The following ADCY5 variants were observed in gnomAD, a reference collection of about 807,000 sequenced individuals.
ADCY5 encodes adenylate cyclase 5.
Under a neutral mutation model 119.7 loss-of-function variants are expected in ADCY5, and 30 were observed. That is an observed-to-expected ratio of 0.25 (90% CI 0.19 to 0.34). The LOEUF (loss-of-function observed/expected upper bound fraction) is 0.34. Among genes scored for constraint, ADCY5 ranks in the 10% least tolerant of loss-of-function variants. The probability of loss-of-function intolerance (pLI) is 1.00; values close to 1 mark genes in which losing one functional copy is unlikely to be tolerated. For synonymous variants in ADCY5, 753 were observed against 762.2 expected (o/e 0.99, Z 0.20); for missense variants, 1,324 against 1,775.2 (o/e 0.75, Z 4.57).
chr3:123,302,212 C>T (rs1238003380), intron 14 of ADCY5, among the ~76,000 whole-genome samples: 1 of 152,212 alleles, frequency 6.6e-6, no homozygotes, highest in Non-Finnish European at 1.5e-5. Flanking sequence ...GAAGCTCAGC[C>T]CAGCTGCTGA....
chr3:123,348,985 C>T lies in ADCY5; in HGVS notation c.1285-1082G>A, dbSNP rs141711550. Among the ~76,000 whole-genome samples, 4 of 152,290 alleles carry T rather than the reference C, an allele frequency of 2.6e-5. No individual in the cohort carries two copies. The East Asian group carries it at 5.8e-4, about 22-fold the overall frequency. On this transcript the variant is annotated intron_variant, in intron 2 of 20. Transcript: ENST00000462833. The stretch of plus-strand genomic sequence containing the variant: ...CCTCCACCTGGCCCCAAACATGGCA[C>T]GTCCCACCTCTGTCCTCGCCCCATT...
At chr3:123,419,677 G>A (rs984110696) in intron 1 of ADCY5, among the ~76,000 whole-genome samples, 3 of 152,116 alleles carry the variant, frequency 2.0e-5, no homozygotes, top group Non-Finnish European at 4.4e-5. Context: ...CCGGACATAC[G>A]TGGCACATTC....
chr3:123,367,523 C>G (rs908541566), intron 1 of ADCY5, among the ~76,000 whole-genome samples: 2 of 152,202 alleles, frequency 1.3e-5, no homozygotes, highest in Admixed American at 6.5e-5. Flanking sequence ...TATCCCCACT[C>G]CCCCAAGCTC....
intron 12 of ADCY5, among the ~76,000 whole-genome samples, chr3:123,313,030 C>T (rs964158725): frequency 2.2e-5 from 3 of 139,504 alleles, no homozygotes; most frequent in African/African-American, 1.0e-4. Context: ...TAACGTTAAG[C>T]CCTACGATGC....
intron 6 of ADCY5, among the ~76,000 whole-genome samples, chr3:123,328,170 G>C (rs1457671635): frequency 1.3e-5 from 2 of 152,158 alleles, no homozygotes; most frequent in African/African-American, 4.8e-5. Flanking sequence ...TCCCTAAAAG[G>C]CCATCGGCTC....
chr3:123,290,575 C>T (rs1001173644), intron 18 of ADCY5, among the ~76,000 whole-genome samples: 3 of 152,254 alleles, frequency 2.0e-5, no homozygotes, highest in Non-Finnish European at 4.4e-5. Flanking sequence ...ACGCCAGGTG[C>T]TCAACCAGAG....
intron 1 of ADCY5, among the ~76,000 whole-genome samples, chr3:123,408,122 T>C (rs976916210): frequency 2.0e-5 from 3 of 152,156 alleles, no homozygotes; most frequent in Non-Finnish European, 2.9e-5. Context: ...GCCCTGGACC[T>C]ACGGTGAAAA....
In ADCY5 at chr3:123,448,407, CG is replaced by C; in HGVS notation, c.138del (p.Gly48AlafsTer14). 4 of 1,414,976 alleles carry C rather than the reference CG, an allele frequency of 2.8e-6. No homozygotes were observed. Among genetic ancestry groups the C allele is most frequent in the Non-Finnish European group, 2.8e-6 (3 of 1,088,566 alleles). The allele number at this position is 1,414,976 out of a possible 1,614,324, so 87.7% of individuals were successfully genotyped here. ...DSRANGYPHA[P>X]GGSARGSTKK... ...TTGGTGGAGCCGCGGGCAGAGCCCC[CG>C]GGGGCATGGGGGTAGCCATTCGCGC... is the stretch of plus-strand genomic sequence containing the variant. On this transcript the variant is annotated frameshift_variant, in exon 1 of 21. Transcript: ENST00000462833. LOFTEE classifies it high-confidence loss of function.
At chr3:123,380,007 C>T (rs1943975999) in intron 1 of ADCY5, among the ~76,000 whole-genome samples, 1 of 152,070 alleles carries the variant, frequency 6.6e-6, no homozygotes, top group Admixed American at 6.5e-5. Flanking sequence ...CCTCTAACTC[C>T]AAAGGACACA....
intron 1 of ADCY5, among the ~76,000 whole-genome samples, chr3:123,421,883 G>A (rs985387469): frequency 6.6e-6 from 1 of 152,170 alleles, no homozygotes; most frequent in African/African-American, 2.4e-5. Flanking sequence ...GTGTTCAAGC[G>A]CCACAGCCAT....
At chr3:123,326,552 C>T (rs1941494625) in intron 7 of ADCY5, among the ~76,000 whole-genome samples, 2 of 152,170 alleles carry the variant, frequency 1.3e-5, no homozygotes, top group African/African-American at 4.8e-5. Flanking sequence ...GGCCTTGTGA[C>T]CCAGGCACTG....
intron 9 of ADCY5, among the ~76,000 whole-genome samples, chr3:123,320,177 T>C (rs75849116): frequency 7.2e-5 from 11 of 152,386 alleles, no homozygotes; most frequent in African/African-American, 2.6e-4. Flanking sequence ...TCTAGCTCTA[T>C]CCTTCTGAAA....
chr3:123,327,414 A>G (rs964923391), intron 7 of ADCY5, among the ~76,000 whole-genome samples: 5 of 152,230 alleles, frequency 3.3e-5, no homozygotes, highest in African/African-American at 1.2e-4. Flanking sequence ...GCATTTTTGC[A>G]AAAGAAGCAC....
At chr3:123,393,274 G>A (rs1159791086) in intron 1 of ADCY5, among the ~76,000 whole-genome samples, 1 of 152,114 alleles carries the variant, frequency 6.6e-6, no homozygotes, top group Non-Finnish European at 1.5e-5. Flanking sequence ...GGTGTTGGCC[G>A]GGTGCAGTGG....
rs567262471 is a variant in ADCY5 at position 123,448,498 on chromosome 3, C to T, written c.48G>A (p.Lys16=). 31 of 1,272,550 alleles carry T rather than the reference C, an allele frequency of 2.4e-5. No individual in the cohort carries two copies. In the East Asian group the frequency reaches 9.1e-4, roughly 37 times the overall value. The allele number at this position is 1,272,550 out of a possible 1,614,324, so 78.8% of individuals were successfully genotyped here. A position where few individuals can be genotyped will look rare whatever the true frequency, so the allele number is the denominator to read the frequency against. Residue 16 remains lysine (K), a synonymous_variant, in exon 1 of 21, where the codon AAG becomes AAA. Transcript: ENST00000462833. Reference sequence around the variant, plus strand: ...CTCCCCGGGGCGCCGGCGCCGCAGTCTTCTGCGCCGCGTAGCCCGGGGGGC... The same window carrying T: ...CTCCCCGGGGCGCCGGCGCCGCAGTTTTCTGCGCCGCGTAGCCCGGGGGGC... ...SVSPPGYAAQ[K]TAAPAPRGGP...
At chr3:123,344,123 C>A (rs4677884) in intron 3 of ADCY5, among the ~76,000 whole-genome samples, 22 of 152,136 alleles carry the variant, frequency 1.4e-4, no homozygotes, top group African/African-American at 5.3e-4. Flanking sequence ...CCGCCCTATC[C>A]AAGACAAACT....
chr3:123,333,670 A>G (rs1481598459), intron 3 of ADCY5, among the ~76,000 whole-genome samples: 1 of 152,126 alleles, frequency 6.6e-6, no homozygotes, highest in East Asian at 1.9e-4. Context: ...CCAGGCCCCA[A>G]CTCCCAGTCA....
chr3:123,344,840 T>A (rs908249258), intron 3 of ADCY5, among the ~76,000 whole-genome samples: 4 of 152,128 alleles, frequency 2.6e-5, no homozygotes, highest in Non-Finnish European at 4.4e-5. Context: ...GAGGGACATT[T>A]GCATATGATT....
At position 123,289,965 on chromosome 3, in the gene ADCY5, G is replaced by A. The variant is rs1446443482; in HGVS notation, c.3328-11C>T. The A allele has an allele frequency of 3.1e-6, 5 of 1,613,680 alleles. No individual in the cohort carries two copies. The highest frequency in any genetic ancestry group is 1.7e-5 in the Admixed American group (1 of 59,968). The stretch of plus-strand genomic sequence containing the variant: ...ATCCTCGCTGATGATCTGGATGAAG[G>A]AGGCCAAACCTGGGTCACCCCAAGC... On this transcript the variant is annotated splice_polypyrimidine_tract_variant and intron_variant, in intron 18 of 20. Coordinates refer to ENST00000462833, the MANE Select transcript of ADCY5 (RefSeq NM_183357.3).
Sources: allele counts gnomAD v4.1 joint callset (sites outside exome capture counted in the v4.1 genomes callset), GRCh38; gene constraint gnomAD v4.1.1; transcripts MANE v1.5; gene names NCBI Gene and HGNC (gene_info 2026-07-23, HGNC 2026-07-21).